Variants in ASXL3 observed in about 807,000 individuals in gnomAD.
ASXL3 encodes the protein putative Polycomb group protein ASXL3.
In ASXL3, 34 loss-of-function variants were observed where a neutral mutation model predicts 170.6. The ratio of observed to expected loss-of-function variants is 0.20; its 90% CI spans 0.15 to 0.27. ASXL3 has a LOEUF of 0.27. ASXL3 is among the 10% of genes least tolerant of loss of function. ASXL3 has a pLI of 1.00. For missense variants in ASXL3, 2,592 were observed against 2,695.3 expected (o/e 0.96, Z 0.85); for synonymous variants, 1,002 against 989.1 (o/e 1.01, Z -0.24).
intron 3 of ASXL3, 44 bp downstream of exon 3, chr18:33,645,046 A>C: frequency 7.5e-7 from 1 of 1,336,794 alleles, no homozygotes; most frequent in Non-Finnish European, 1.0e-6. Flanking sequence ...ATTATCATGC[A>C]TTTTTTCAGA....
chr18:33,595,651 A>G (rs2145104238), intron 1 of ASXL3, among the ~76,000 whole-genome samples: 1 of 152,320 alleles, frequency 6.6e-6, no homozygotes, highest in East Asian at 1.9e-4. Context: ...CTCTCTCTGC[A>G]GAGTATGCTT....
chr18:33,639,494 C>T (rs186528663), intron 2 of ASXL3, among the ~76,000 whole-genome samples: 2 of 152,212 alleles, frequency 1.3e-5, no homozygotes, highest in Admixed American at 6.5e-5. Flanking sequence ...TACTAGATGT[C>T]TATAATTAAA....
chr18:33,626,274 A>G (rs2065602164), intron 2 of ASXL3, among the ~76,000 whole-genome samples: 1 of 152,034 alleles, frequency 6.6e-6, no homozygotes, highest in African/African-American at 2.4e-5. Flanking sequence ...TCCATTGATC[A>G]TTTAAAAAAA....
chr18:33,712,395 T>G (rs1389497544), intron 8 of ASXL3, among the ~76,000 whole-genome samples: 2 of 152,206 alleles, frequency 1.3e-5, no homozygotes, highest in Non-Finnish European at 2.9e-5. Context: ...TGACATTCAT[T>G]GAGATTACTT....
At chr18:33,667,175 C>T (rs531521389) in intron 5 of ASXL3, among the ~76,000 whole-genome samples, 5 of 152,284 alleles carry the variant, frequency 3.3e-5, no homozygotes, top group South Asian at 4.1e-4. Context: ...TTCTGCCTCC[C>T]AGAAGGTTAT....
chr18:33,699,671 A>G (rs1280345363), intron 8 of ASXL3, among the ~76,000 whole-genome samples: 4 of 152,118 alleles, frequency 2.6e-5, no homozygotes, highest in Non-Finnish European at 5.9e-5. Context: ...GTTCCCCTAC[A>G]AAGAATATGA....
chr18:33,652,158 AT>A (rs2066008938), intron 4 of ASXL3, among the ~76,000 whole-genome samples: 1 of 152,074 alleles, frequency 6.6e-6, no homozygotes, highest in Non-Finnish European at 1.5e-5. Flanking sequence ...CAAGTAAAAT[AT>A]TATAAATTTT....
intron 11 of ASXL3, among the ~76,000 whole-genome samples, chr18:33,742,649 T>G (rs1399366473): frequency 6.6e-6 from 1 of 152,232 alleles, no homozygotes; most frequent in Non-Finnish European, 1.5e-5. Context: ...CCATGCCAAA[T>G]GAAGTTACAA....
At chr18:33,732,119 G>A in intron 9 of ASXL3, 55 bp downstream of exon 9, 1 of 1,375,422 alleles carries the variant, frequency 7.3e-7, no homozygotes, top group South Asian at 1.3e-5. Flanking sequence ...ATACCGTACT[G>A]AGCTTGTACC....
At chr18:33,599,486 C>T (rs1428351171) in intron 1 of ASXL3, among the ~76,000 whole-genome samples, 1 of 152,082 alleles carries the variant, frequency 6.6e-6, no homozygotes, top group Non-Finnish European at 1.5e-5. Context: ...TTAGCTCTGT[C>T]ATGAATAACT....
intron 4 of ASXL3, among the ~76,000 whole-genome samples, chr18:33,651,402 G>A (rs1387815710): frequency 1.3e-5 from 2 of 152,062 alleles, no homozygotes; most frequent in Admixed American, 1.3e-4. Flanking sequence ...GGGTATATGA[G>A]TGGATGTGTG....
intron 1 of ASXL3, among the ~76,000 whole-genome samples, chr18:33,590,944 T>C (rs1386657024): frequency 6.6e-6 from 1 of 152,200 alleles, no homozygotes; most frequent in Non-Finnish European, 1.5e-5. Flanking sequence ...TGGATGAAAG[T>C]AAATATTTTT....
chr18:33,740,538 A>T, intron 11 of ASXL3, 95 bp downstream of exon 11: 1 of 1,231,308 alleles, frequency 8.1e-7, no homozygotes, highest in Admixed American at 2.9e-5. Context: ...TCTTCCTTCT[A>T]GGTTTTATGC....
chr18:33,711,477 T>C (rs1425174184), intron 8 of ASXL3, among the ~76,000 whole-genome samples: 2 of 152,218 alleles, frequency 1.3e-5, no homozygotes, highest in Non-Finnish European at 2.9e-5. Context: ...AAGAATCATA[T>C]TATGGAAAAT....
intron 7 of ASXL3, among the ~76,000 whole-genome samples, chr18:33,673,281 G>A (rs1161193452): frequency 6.6e-6 from 1 of 152,046 alleles, no homozygotes; most frequent in Non-Finnish European, 1.5e-5. Context: ...AAGGCACAGG[G>A]GCATCCCCAT....
chr18:33,725,924 A>G (rs1427099190), intron 8 of ASXL3, among the ~76,000 whole-genome samples: 33 of 151,938 alleles, frequency 2.2e-4, no homozygotes, highest in Non-Finnish European at 1.5e-5. Context: ...TGTTTCCTCT[A>G]CCTGAACAAT....
chr18:33,710,347 T>G (rs1261245654), intron 8 of ASXL3, among the ~76,000 whole-genome samples: 1 of 152,228 alleles, frequency 6.6e-6, no homozygotes, highest in Non-Finnish European at 1.5e-5. Flanking sequence ...TCTTTGGCAC[T>G]TCACTAAGGC....
chr18:33,687,862 T>G (rs996519745), intron 8 of ASXL3, among the ~76,000 whole-genome samples: 1 of 152,224 alleles, frequency 6.6e-6, no homozygotes, highest in African/African-American at 2.4e-5. Flanking sequence ...AGGACATTTA[T>G]TGGCTCAGTT....
In ASXL3 at chr18:33,727,999, T is replaced by C. The variant is rs549761031; in HGVS notation, c.880-3969T>C. ...CACACTGCCTTGCATTTCCATGTGC[T>C]GAGATCTCGAGAATCTGTCAGAGCT... is the stretch of plus-strand genomic sequence containing the variant. On this transcript the variant is annotated intron_variant, in intron 8 of 11. Transcript: ENST00000269197. Among the ~76,000 whole-genome samples the C allele has an allele frequency of 3.9e-5, 6 of 152,314 alleles. No homozygotes were observed. In the South Asian group the frequency reaches 1.0e-3, roughly 26 times the overall value.
Sources: gnomAD v4.1 joint callset for allele counts (sites outside exome capture counted in the v4.1 genomes callset) on GRCh38, gnomAD v4.1.1 for gene constraint, MANE v1.5 for transcripts, NCBI Gene and HGNC (gene_info 2026-07-23, HGNC 2026-07-21) for gene names.